EFNA5: variants seen among roughly 807,000 people sequenced by gnomAD.
EFNA5 encodes ephrin A5.
Under a neutral mutation model 22.9 loss-of-function variants are expected in EFNA5, and 5 were observed. The observed-to-expected ratio is 0.22, with a 90% CI of 0.11 to 0.46. The LOEUF is 0.46. Ranked by LOEUF, EFNA5 falls within the 20% of genes least tolerant of loss-of-function variation. The pLI, the probability that EFNA5 is intolerant of heterozygous loss-of-function variation, is 0.99. For synonymous variants in EFNA5, 113 were observed against 112.2 expected (o/e 1.01, Z -0.04); for missense variants, 237 against 293.3 (o/e 0.81, Z 1.40).
intron 1 of EFNA5, among the ~76,000 whole-genome samples, chr5:107,592,686 G>A (rs148561231): frequency 5.9e-5 from 9 of 152,292 alleles, no homozygotes; most frequent in African/African-American, 2.2e-4. Flanking sequence ...CAGAAAAGGA[G>A]GATCCTGGAG....
intron 1 of EFNA5, among the ~76,000 whole-genome samples, chr5:107,469,787 AACAAACATGCACAC>A (rs899825431): frequency 6.6e-6 from 1 of 152,178 alleles, no homozygotes; most frequent in Non-Finnish European, 1.5e-5. Context: ...CTTAAAAGAA[AACAAACATGCACAC>A]ACAAATACCA....
chr5:107,431,876 A>G (rs1748973175), intron 1 of EFNA5, among the ~76,000 whole-genome samples: 1 of 152,194 alleles, frequency 6.6e-6, no homozygotes, highest in Non-Finnish European at 1.5e-5. Context: ...CACTTTACCA[A>G]TGAGTCGAGG....
chr5:107,554,913 G>C (rs1339147703), intron 1 of EFNA5, among the ~76,000 whole-genome samples: 1 of 152,214 alleles, frequency 6.6e-6, no homozygotes, highest in Non-Finnish European at 1.5e-5. Context: ...TGCAACAGCA[G>C]CTTCTGCCAG....
intron 1 of EFNA5, among the ~76,000 whole-genome samples, chr5:107,628,830 T>C (rs1196536248): frequency 1.3e-5 from 2 of 152,184 alleles, no homozygotes; most frequent in Non-Finnish European, 2.9e-5. Context: ...CTGGGGAAGA[T>C]GCTGATATCA....
rs28595767 is a variant in EFNA5 at position 107,591,958 on chromosome 5, A to C, written c.125+78531T>G. On this transcript the variant is annotated intron_variant, in intron 1 of 4. Transcript: ENST00000333274. ...AATATATATATTATATATAATATAT[A>C]ATATATATAATATATATAATATATA... Among the ~76,000 whole-genome samples the C allele has an allele frequency of 1.7e-4, 2 of 12,018 alleles. 1 individual carries two copies. Among genetic ancestry groups the C allele is most frequent in the Non-Finnish European group, 2.8e-4 (2 of 7,116 alleles). The allele number at this position is 12,018 out of a possible 152,430, so 7.9% of individuals were successfully genotyped here. A position where few individuals can be genotyped will look rare whatever the true frequency, so the allele number is the denominator to read the frequency against.
At chr5:107,485,194 G>T (rs947162173) in intron 1 of EFNA5, among the ~76,000 whole-genome samples, 15 of 152,068 alleles carry the variant, frequency 9.9e-5, no homozygotes, top group African/African-American at 3.6e-4. Flanking sequence ...ACTTTTGTCT[G>T]CACTAGATGG....
chr5:107,535,275 T>C (rs149153), intron 1 of EFNA5, among the ~76,000 whole-genome samples: 9,213 of 152,108 alleles, frequency 0.061, 945 homozygotes, highest in African/African-American at 0.21. Flanking sequence ...AGAAAAGAGG[T>C]TGGAGGCCTA....
chr5:107,519,724 TA>T (rs1408611174), intron 1 of EFNA5, among the ~76,000 whole-genome samples: 7 of 152,196 alleles, frequency 4.6e-5, no homozygotes, highest in African/African-American at 1.7e-4. Context: ...TGACTTAGTC[TA>T]AAAAAATATG....
At chr5:107,657,944 A>AAAAGC (rs1750865123) in intron 1 of EFNA5, among the ~76,000 whole-genome samples, 2 of 152,314 alleles carry the variant, frequency 1.3e-5, no homozygotes, top group South Asian at 4.1e-4. Context: ...TTTGCTTTGA[A>AAAAGC]AAAGCAAATA....
chr5:107,596,419 T>C (rs1284691512), intron 1 of EFNA5, among the ~76,000 whole-genome samples: 1 of 152,122 alleles, frequency 6.6e-6, no homozygotes, highest in Non-Finnish European at 1.5e-5. Context: ...GAAGGCTCAT[T>C]TGAGGTGTAG....
chr5:107,394,192 G>C (rs1206101388), intron 2 of EFNA5, among the ~76,000 whole-genome samples: 1 of 152,162 alleles, frequency 6.6e-6, no homozygotes, highest in Non-Finnish European at 1.5e-5. Context: ...CATGGCCCCG[G>C]TTTACCAAGC....
At chr5:107,498,000 C>T (rs1406918428) in intron 1 of EFNA5, among the ~76,000 whole-genome samples, 5 of 152,210 alleles carry the variant, frequency 3.3e-5, no homozygotes, top group Non-Finnish European at 7.3e-5. Flanking sequence ...ACTGCAGCCT[C>T]GGCCTCCTGA....
At chr5:107,410,960 C>T (rs978638904) in intron 2 of EFNA5, among the ~76,000 whole-genome samples, 3 of 152,030 alleles carry the variant, frequency 2.0e-5, no homozygotes, top group Admixed American at 1.3e-4. Context: ...GTCGTGGAGT[C>T]GTTGATTTTT....
intron 1 of EFNA5, among the ~76,000 whole-genome samples, chr5:107,649,232 T>C (rs2112551240): frequency 6.6e-6 from 1 of 152,302 alleles, no homozygotes; most frequent in African/African-American, 2.4e-5. Flanking sequence ...GGTAAACATC[T>C]AGTTGGTAGA....
chr5:107,589,951 C>T (rs962989036), intron 1 of EFNA5, among the ~76,000 whole-genome samples: 2 of 152,182 alleles, frequency 1.3e-5, no homozygotes, highest in African/African-American at 4.8e-5. Flanking sequence ...CCTGCCTTTT[C>T]TCAAGAATGA....
chr5:107,573,600 T>C (rs1334414862), intron 1 of EFNA5, among the ~76,000 whole-genome samples: 1 of 152,118 alleles, frequency 6.6e-6, no homozygotes, highest in Non-Finnish European at 1.5e-5. Context: ...AAATATCCTA[T>C]GTGGATAGTA....
chr5:107,580,683 C>G (rs1305206309), intron 1 of EFNA5, among the ~76,000 whole-genome samples: 1 of 136,836 alleles, frequency 7.3e-6, no homozygotes, highest in Non-Finnish European at 1.5e-5. Flanking sequence ...AGATGCGCCA[C>G]TACACTCCAG....
At chr5:107,618,290 T>TA (rs1051675725) in intron 1 of EFNA5, among the ~76,000 whole-genome samples, 7 of 152,210 alleles carry the variant, frequency 4.6e-5, no homozygotes, top group Non-Finnish European at 8.8e-5. Flanking sequence ...TTGATAATAG[T>TA]AAAAAAATGT....
intron 1 of EFNA5, among the ~76,000 whole-genome samples, chr5:107,564,386 T>G (rs1748616088): frequency 6.6e-6 from 1 of 152,234 alleles, no homozygotes. Flanking sequence ...TGGGGCTTCC[T>G]CTTTCACACA....
Sources: gnomAD v4.1 joint callset for allele counts (sites outside exome capture counted in the v4.1 genomes callset) on GRCh38, gnomAD v4.1.1 for gene constraint, MANE v1.5 for transcripts, NCBI Gene and HGNC (gene_info 2026-07-23, HGNC 2026-07-21) for gene names.